The following CSMD1 variants were observed in gnomAD, a reference collection of about 807,000 sequenced individuals.
CSMD1 encodes the protein CUB and Sushi multiple domains 1.
Under a neutral mutation model 417.5 loss-of-function variants are expected in CSMD1, and 213 were observed. The observed-to-expected ratio is 0.51, with a 90% CI of 0.46 to 0.57. The LOEUF is 0.57. Ranked by LOEUF, CSMD1 falls within the 20% of genes least tolerant of loss-of-function variation. The probability of loss-of-function intolerance (pLI) is 0.00; values close to 1 mark genes in which losing one functional copy is unlikely to be tolerated. For synonymous variants in CSMD1, 2,862 were observed against 1,736.8 expected, an observed-to-expected ratio of 1.65 and a Z score of -16.11; for missense variants, 6,923 against 4,529.7, an observed-to-expected ratio of 1.53 and a Z score of -15.17.
At chr8:3,418,458 C>A (rs1027826394) in intron 12 of CSMD1, among the ~76,000 whole-genome samples, 1 of 152,052 alleles carries the variant, frequency 6.6e-6, no homozygotes, top group Non-Finnish European at 1.5e-5. Flanking sequence ...GGGAAAGCAA[C>A]AATTTTATTC....
chr8:3,921,430 A>G (rs1201869455), intron 5 of CSMD1, among the ~76,000 whole-genome samples: 1 of 151,802 alleles, frequency 6.6e-6, no homozygotes, highest in African/African-American at 2.4e-5. Flanking sequence ...TCTTTCTTCT[A>G]TTAACTTTGA....
intron 37 of CSMD1, among the ~76,000 whole-genome samples, chr8:3,175,721 C>T (rs1028325899): frequency 4.6e-4 from 70 of 152,118 alleles, no homozygotes; most frequent in Admixed American, 4.5e-3. Context: ...CACACTGGAC[C>T]ATGTCTACTG....
At chr8:4,693,996 C>A (rs898069791) in intron 1 of CSMD1, among the ~76,000 whole-genome samples, 1 of 152,224 alleles carries the variant, frequency 6.6e-6, no homozygotes, top group Non-Finnish European at 1.5e-5. Flanking sequence ...GAAAGTCAAT[C>A]TCGGGACCCC....
chr8:4,191,608 A>G (rs1226537765), intron 3 of CSMD1, among the ~76,000 whole-genome samples: 3 of 152,136 alleles, frequency 2.0e-5, no homozygotes, highest in Admixed American at 6.5e-5. Context: ...TAAGCTTTCT[A>G]TGTTGAAAGA....
intron 25 of CSMD1, among the ~76,000 whole-genome samples, chr8:3,301,157 T>C (rs1402171586): frequency 2.0e-5 from 3 of 151,964 alleles, no homozygotes; most frequent in African/African-American, 4.8e-5. Flanking sequence ...AAAATCTATA[T>C]AGACATTAGT....
At chr8:3,840,220 C>A (rs1168603519) in intron 5 of CSMD1, among the ~76,000 whole-genome samples, 1 of 151,798 alleles carries the variant, frequency 6.6e-6, no homozygotes, top group Non-Finnish European at 1.5e-5. Context: ...TATGTTTGAA[C>A]CTTTGAAAAA....
chr8:4,244,812 T>C (rs1239497060), intron 3 of CSMD1, among the ~76,000 whole-genome samples: 1 of 152,206 alleles, frequency 6.6e-6, no homozygotes, highest in Non-Finnish European at 1.5e-5. Flanking sequence ...AATATGTGTA[T>C]ATATGTATGT....
rs1423392688 is a variant in CSMD1, at chr8:3,564,053, CGTGATATTTTGGTACATGTATAT to C, written c.1344+10869_1344+10891del. ...TAGTTGTATATATTTTGGGGGTACACGTGATATTTTGGTACATGTATATGATGCATAATGACCAAACAGTGTAA... is the reference window on the plus strand; with the variant it reads ...TAGTTGTATATATTTTGGGGGTACACGATGCATAATGACCAAACAGTGTAA... On this transcript the variant is annotated intron_variant, in intron 10 of 69. Coordinates refer to ENST00000635120, the MANE Select transcript of CSMD1 (RefSeq NM_033225.6). 5.9e-5 allele frequency among the ~76,000 whole-genome samples: 9 copies of C among 152,168 alleles called. No homozygotes were observed. In the East Asian group the frequency reaches 1.7e-3, roughly 29 times the overall value.
At chr8:3,440,029 C>T (rs1180369108) in intron 12 of CSMD1, among the ~76,000 whole-genome samples, 1 of 152,152 alleles carries the variant, frequency 6.6e-6, no homozygotes, top group African/African-American at 2.4e-5. Context: ...GCCCTTCCAC[C>T]AACACCACAT....
At chr8:3,387,447 G>A (rs371044906) in intron 18 of CSMD1, 47 bp downstream of exon 18, 33 of 1,509,410 alleles carry the variant, frequency 2.2e-5, no homozygotes, top group Non-Finnish European at 2.9e-5. Flanking sequence ...CGTGTGCGCT[G>A]TCTCTGCACA....
intron 6 of CSMD1, among the ~76,000 whole-genome samples, chr8:3,717,039 G>T (rs760043833): frequency 3.3e-5 from 5 of 152,136 alleles, no homozygotes; most frequent in African/African-American, 1.2e-4. Flanking sequence ...TGAAATGGTA[G>T]AAGCAGGGTT....
At chr8:4,547,829 G>A (rs1413049015) in intron 2 of CSMD1, among the ~76,000 whole-genome samples, 1 of 152,204 alleles carries the variant, frequency 6.6e-6, no homozygotes, top group African/African-American at 2.4e-5. Context: ...AAACAAGAAT[G>A]GTTAGGTTTT....
intron 3 of CSMD1, among the ~76,000 whole-genome samples, chr8:4,208,550 T>C (rs984943465): frequency 6.6e-6 from 1 of 152,254 alleles, no homozygotes; most frequent in Admixed American, 6.5e-5. Flanking sequence ...AACTTCAATA[T>C]CAGATTGACT....
chr8:4,140,586 T>A lies in CSMD1; in HGVS notation c.416-108487A>T, dbSNP rs1232415468. On this transcript the variant is annotated intron_variant, in intron 3 of 69. Transcript: ENST00000635120. The stretch of plus-strand genomic sequence containing the variant: ...GGGAGGCTAAGGTGGGAAGACTGCT[T>A]GAACCCAAGAGGTCAAGGCTGCAGT... Among the ~76,000 whole-genome samples, 4 of 151,088 alleles carry A rather than the reference T, an allele frequency of 2.6e-5. 1 individual carries two copies. Among genetic ancestry groups the A allele is most frequent in the African/African-American group, 9.9e-5 (4 of 40,410 alleles).
At chr8:3,936,647 C>G (rs560541159) in intron 5 of CSMD1, among the ~76,000 whole-genome samples, 1 of 152,284 alleles carries the variant, frequency 6.6e-6, no homozygotes, top group African/African-American at 2.4e-5. Flanking sequence ...AGATTCCTTT[C>G]TAAATATTGC....
chr8:3,055,701 T>C (rs1336740550), intron 49 of CSMD1, among the ~76,000 whole-genome samples: 2 of 152,226 alleles, frequency 1.3e-5, no homozygotes, highest in East Asian at 3.8e-4. Flanking sequence ...TCAGTTGTTT[T>C]TTCTTTAGTT....
intron 5 of CSMD1, among the ~76,000 whole-genome samples, chr8:3,992,680 C>A (rs1342922240): frequency 6.6e-6 from 1 of 152,098 alleles, no homozygotes; most frequent in Non-Finnish European, 1.5e-5. Flanking sequence ...ACAAGGAATG[C>A]TAAGGTGGAA....
intron 23 of CSMD1, among the ~76,000 whole-genome samples, chr8:3,327,199 G>C (rs62504772): frequency 0.11 from 15,945 of 151,162 alleles, 986 homozygotes; most frequent in Non-Finnish European, 0.14. Flanking sequence ...GGAGTGTGCA[G>C]TGGCAGGATC....
intron 40 of CSMD1, among the ~76,000 whole-genome samples, chr8:3,145,546 A>G (rs1335497445): frequency 6.6e-6 from 1 of 152,180 alleles, no homozygotes; most frequent in South Asian, 2.1e-4. Flanking sequence ...GACAATTATA[A>G]TATTGTGAGC....
Sources: allele counts gnomAD v4.1 joint callset (sites outside exome capture counted in the v4.1 genomes callset), GRCh38; gene constraint gnomAD v4.1.1; transcripts MANE v1.5; gene names NCBI Gene and HGNC (gene_info 2026-07-23, HGNC 2026-07-21).